Variants in DHX38 observed in about 807,000 individuals in gnomAD.
DHX38 encodes DEAH-box helicase 38, also known as pre-mRNA-splicing factor ATP-dependent RNA helicase PRP16.
Under a neutral mutation model 153.1 loss-of-function variants are expected in DHX38, and 100 were observed. The ratio of observed to expected loss-of-function variants is 0.65; its 90% CI spans 0.56 to 0.77. The LOEUF is 0.77. Among genes scored for constraint, DHX38 ranks in the 30% least tolerant of loss-of-function variants. The pLI, the probability that DHX38 is intolerant of heterozygous loss-of-function variation, is 0.00. For missense variants in DHX38, 1,440 were observed against 1,654.0 expected, an observed-to-expected ratio of 0.87 and a Z score of 2.24; for synonymous variants, 650 against 631.7, an observed-to-expected ratio of 1.03 and a Z score of -0.43.
chr16:72,096,446 G>A lies in DHX38; in HGVS notation c.289G>A (p.Gly97Ser), dbSNP rs781174952. The A allele has an allele frequency of 2.9e-5, 46 of 1,613,342 alleles. No individual in the cohort carries two copies. Among genetic ancestry groups the A allele is most frequent in the South Asian group, 1.1e-4 (10 of 91,078 alleles). ...DDQKDAEEEGGDQAGQNIRKD... is the reference protein window; with the variant it reads ...DDQKDAEEEGSDQAGQNIRKD... Reference sequence around the variant, plus strand: ...CCAGAAGGATGCTGAGGAAGAGGGCGGTGACCAGGCTGGCCAAAATATCCG... The same window carrying A: ...CCAGAAGGATGCTGAGGAAGAGGGCAGTGACCAGGCTGGCCAAAATATCCG... The change falls in exon 2 of 27, where the codon GGT becomes AGT. Residue 97 changes from glycine to serine, a missense_variant. Physicochemically the swap from Gly to Ser is moderately conservative, Grantham distance 56. This residue lies in a region of DHX38 where 483 missense variants were observed against 465.1 expected (regional missense o/e 1.04). Coordinates refer to ENST00000268482, the MANE Select transcript of DHX38 (RefSeq NM_014003.4).
In DHX38 at chr16:72,105,067, C is replaced by T. The variant is rs1377367652; in HGVS notation, c.2192C>T (p.Ser731Phe). ...TACGTGGAGGCTGCAGTGAAGCAGT[C>T]CTTGCAGGTGCACCTGTCGGGGGCC... ...EDYVEAAVKQ[S>F]LQVHLSGAPG... The change falls in exon 16 of 27, where the codon TCC becomes TTC. Residue 731 changes from serine (S) to phenylalanine (F), a missense_variant. Coordinates refer to ENST00000268482, the MANE Select transcript of DHX38 (RefSeq NM_014003.4). 1.9e-6 allele frequency: 3 copies of T among 1,614,200 alleles called. No homozygotes were observed. The highest frequency in any genetic ancestry group is 2.5e-6 in the Non-Finnish European group (3 of 1,180,036).
At position 72,107,358 on chromosome 16, in the gene DHX38, C is replaced by A; in HGVS notation, c.2619C>A (p.Ala873=). The A allele has an allele frequency of 6.2e-7, 1 of 1,611,166 alleles. No individual in the cohort carries two copies. The highest frequency in any genetic ancestry group is 8.5e-7 in the Non-Finnish European group (1 of 1,179,958). Residue 873 remains alanine, a synonymous_variant, in exon 20 of 27, where the codon GCC becomes GCA. Transcript: ENST00000268482. This position sits in a 1 kb window ranked among gnomAD's most constrained non-coding sequence, Gnocchi z 5.3. ...GQCFRLYTQS[A]YKNELLTTTV... Reference sequence around the variant, plus strand: ...CCGGCAGGCTCTACACCCAGAGCGCCTACAAGAATGAGCTCCTGACCACCA... The same window carrying A: ...CCGGCAGGCTCTACACCCAGAGCGCATACAAGAATGAGCTCCTGACCACCA...
chr16:72,106,046 T>C lies in DHX38; in HGVS notation c.2529T>C (p.Tyr843=). Residue 843 remains tyrosine (Y), a synonymous_variant, in exon 19 of 27, where the codon TAT becomes TAC. Coordinates refer to ENST00000268482, the MANE Select transcript of DHX38 (RefSeq NM_014003.4). ...TTGGCATGGATGCTCTGCAGATCTA[T>C]CCCATTAGCCAGGCCAATGCCAACC... The part of the protein sequence containing the change: ...PRIGMDALQI[Y]PISQANANQR... 6.2e-7 allele frequency: 1 copy of C among 1,614,188 alleles called. No individual in the cohort carries two copies. Among genetic ancestry groups the C allele is most frequent in the Non-Finnish European group, 8.5e-7 (1 of 1,180,040 alleles).
At chr16:72,100,382 C>T (rs2042083835) in intron 8 of DHX38, 54 bp from the exon 9 acceptor site, 2 of 1,582,374 alleles carry the variant, frequency 1.3e-6, no homozygotes, top group African/African-American at 2.7e-5. Flanking sequence ...CATAACCTTT[C>T]AGGACGACCT....
rs926876847 is a variant in DHX38, at chr16:72,101,277, G to T, written c.1386+84G>T. ...CTTCATAAGTCTTACTAGGCCCACA[G>T]ATAGAAGTTAGGAGTCCCCTCTATC... On this transcript the variant is annotated intron_variant, in intron 10 of 26. Transcript: ENST00000268482. 6.3e-5 allele frequency: 93 copies of T among 1,484,604 alleles called. 1 individual carries two copies. In the South Asian group the frequency reaches 1.0e-3, roughly 16 times the overall value. The allele number at this position is 1,484,604 out of a possible 1,614,324, so 92.0% of individuals were successfully genotyped here. A position where few individuals can be genotyped will look rare whatever the true frequency, so the allele number is the denominator to read the frequency against.
Position 72,107,724 on chromosome 16 carries a change from T to A in DHX38, c.2889T>A (p.Cys963Ter). The A allele has an allele frequency of 6.2e-7, 1 of 1,614,128 alleles. No individual in the cohort carries two copies. Residue 963 changes from cysteine to a stop codon, truncating the protein, a stop_gained, in exon 21 of 27, where the codon TGT becomes TGA. Transcript: ENST00000268482. LOFTEE classifies it high-confidence loss of function. The surrounding 1 kb of genome is among the most constrained non-coding windows in gnomAD (Gnocchi z 5.3). ...PALSKMLIVS[C>*]DMGCSSEILL... ...TGTCCAAGATGCTCATCGTGTCCTG[T>A]GACATGGGCTGCAGCTCCGAGATCC...
rs1030112617 is a variant in DHX38, at chr16:72,104,746, A to G, written c.2151+120A>G. 19 of 1,331,266 alleles carry G rather than the reference A, an allele frequency of 1.4e-5. No homozygotes were observed. Among genetic ancestry groups the G allele is most frequent in the Non-Finnish European group, 2.0e-5 (19 of 954,428 alleles). 82.5% of individuals were successfully genotyped at this position (1,331,266 alleles called of 1,614,324 possible). ...GGTTGGAGAAGATTTCCTGGGGACC[A>G]TGGGGCAAATGGGGCAGCCTGCAGC... is the stretch of plus-strand genomic sequence containing the variant. On this transcript the variant is annotated intron_variant, in intron 15 of 26. Transcript: ENST00000268482. The surrounding 1 kb of genome is among the most constrained non-coding windows in gnomAD (Gnocchi z 4.5).
chr16:72,112,432 C>CA lies in DHX38; in HGVS notation c.3619_3620insA (p.Pro1207HisfsTer24), dbSNP rs768673534. 1 of 1,610,288 alleles carries CA rather than the reference C, an allele frequency of 6.2e-7. No homozygotes were observed. Among genetic ancestry groups the CA allele is most frequent in the African/African-American group, 1.3e-5 (1 of 74,910 alleles). On this transcript the variant is annotated frameshift_variant, in exon 27 of 27. Transcript: ENST00000268482. LOFTEE classifies it high-confidence loss of function. Reference sequence around the variant, plus strand: ...CTCCAGGTCTACGAAGATCTACACTCCAGGCCGGAAAGAGCAAGGGGAGCC... The same window carrying CA: ...CTCCAGGTCTACGAAGATCTACACTCACAGGCCGGAAAGAGCAAGGGGAGCC...
rs1014176704 is a variant in DHX38, at chr16:72,107,451, G to C, written c.2712G>C (p.Gln904His). ...TGCTGCTCAAGTCCCTCGGGGTGCA[G>C]GACCTGCTGCAGTTCCACTTCATGG... The part of the protein sequence containing the change: ...VVLLLKSLGV[Q>H]DLLQFHFMDP... The change falls in exon 20 of 27, where the codon CAG becomes CAC. Residue 904 changes from glutamine (Q) to histidine (H), a missense_variant. Transcript: ENST00000268482. This position sits in a 1 kb window ranked among gnomAD's most constrained non-coding sequence, Gnocchi z 5.3. 2 of 1,614,068 alleles carry C rather than the reference G, an allele frequency of 1.2e-6. No individual in the cohort carries two copies. Among genetic ancestry groups the C allele is most frequent in the African/African-American group, 2.7e-5 (2 of 74,936 alleles).
chr16:72,096,973 T>C lies in DHX38; in HGVS notation c.475T>C (p.Ser159Pro), dbSNP rs2144131571. The change falls in exon 3 of 27, where the codon TCG (serine) becomes CCG (proline). Residue 159 changes from serine to proline, a missense_variant. Physicochemically the swap from Ser to Pro is moderately conservative, Grantham distance 74. Around this residue, in one of 6 missense-constraint regions of DHX38, gnomAD observed 483 missense variants for 465.1 expected, o/e 1.04. Coordinates refer to ENST00000268482, the MANE Select transcript of DHX38 (RefSeq NM_014003.4). ...KEEKDWKKEK[S>P]RDRDYDRKRD... ...AGAAAAGGATTGGAAGAAGGAGAAA[T>C]CGCGGGATCGAGACTATGACCGCAA... 2 of 1,613,896 alleles carry C rather than the reference T, an allele frequency of 1.2e-6. No homozygotes were observed. Among genetic ancestry groups the C allele is most frequent in the Admixed American group, 1.7e-5 (1 of 60,014 alleles).
intron 18 of DHX38, 42 bp from the exon 19 acceptor site, chr16:72,105,963 C>G (rs1205628969): frequency 6.3e-7 from 1 of 1,585,238 alleles, no homozygotes; most frequent in Non-Finnish European, 8.7e-7. Flanking sequence ...TCCACTTTCC[C>G]CTCACTCTGT....
chr16:72,109,267 T>G, intron 24 of DHX38, 148 bp from the exon 25 acceptor site: 2 of 860,800 alleles, frequency 2.3e-6, no homozygotes, highest in Non-Finnish European at 1.8e-6. Context: ...GGAGTTTGGA[T>G]GGGAGTATCT....
rs181293184 is a variant in DHX38 at position 72,110,770 on chromosome 16, A to G, written c.3478-186A>G. Among the ~76,000 whole-genome samples, 5 of 152,282 alleles carry G rather than the reference A, an allele frequency of 3.3e-5. No homozygotes were observed. In the East Asian group the frequency reaches 9.6e-4, roughly 29 times the overall value. ...TTAGGACTGATTGTCCAGTGTCTTGAGTCAGTGAAAAAAGCAGGCCTCAGC... is the reference window on the plus strand; with the variant it reads ...TTAGGACTGATTGTCCAGTGTCTTGGGTCAGTGAAAAAAGCAGGCCTCAGC... On this transcript the variant is annotated intron_variant, in intron 25 of 26. Transcript: ENST00000268482.
chr16:72,094,994 A>G (rs955596890), intron 1 of DHX38, among the ~76,000 whole-genome samples: 1 of 152,142 alleles, frequency 6.6e-6, no homozygotes, highest in Non-Finnish European at 1.5e-5. Flanking sequence ...GCCTGATGGC[A>G]TTTTCAAAAT....
chr16:72,109,593 C>A, intron 25 of DHX38, 83 bp downstream of exon 25: 1 of 1,285,116 alleles, frequency 7.8e-7, no homozygotes. Context: ...GACTTGCGGT[C>A]ATCCAACCCA....
At chr16:72,111,160 G>A (rs1051827931) in intron 26 of DHX38, 83 bp downstream of exon 26, 1 of 1,454,700 alleles carries the variant, frequency 6.9e-7, no homozygotes, top group African/African-American at 1.4e-5. Flanking sequence ...GCAGGGTCAG[G>A]ATTTATGGGA....
At chr16:72,112,181 A>C (rs1597451239) in intron 26 of DHX38, 3 of 571,762 alleles carry the variant, frequency 5.2e-6, no homozygotes, top group East Asian at 2.8e-5. Flanking sequence ...CTGTGGGAGG[A>C]GTTGTTAAAA....
At chr16:72,101,379 C>A in intron 10 of DHX38, 121 bp from the exon 11 acceptor site, 1 of 1,171,000 alleles carries the variant, frequency 8.5e-7, no homozygotes, top group Non-Finnish European at 1.2e-6. Context: ...TGGCTCGGTG[C>A]CACCAGCACT....
chr16:72,096,162 G>A lies in DHX38; in HGVS notation c.5G>A (p.Gly2Glu). The A allele has an allele frequency of 6.3e-7, 1 of 1,595,518 alleles. No homozygotes were observed. M[G>E]DTSEDASIHR... ...AGAGAAATCCCAGATCCTGTGATGG[G>A]GGACACCAGTGAGGATGCCTCGATC... Residue 2 changes from glycine to glutamate, a missense_variant, in exon 2 of 27, where the codon GGG becomes GAG. Gly to Glu is a moderately conservative substitution (Grantham distance 98). Around this residue, in one of 6 missense-constraint regions of DHX38, gnomAD observed 483 missense variants for 465.1 expected, o/e 1.04. Transcript: ENST00000268482.
Sources: allele counts gnomAD v4.1 joint callset (sites outside exome capture counted in the v4.1 genomes callset), GRCh38; gene constraint gnomAD v4.1.1; regional missense constraint gnomAD v4.1.1; non-coding constraint Gnocchi (gnomAD v3.1); transcripts MANE v1.5; gene names NCBI Gene and HGNC (gene_info 2026-07-23, HGNC 2026-07-21).